APC: variants seen among roughly 807,000 people sequenced by gnomAD.
APC encodes adenomatous polyposis coli protein.
APC carries 72 observed loss-of-function variants against 247.0 expected under a neutral mutation model. That is an observed-to-expected ratio of 0.29 (90% CI 0.24 to 0.35). APC has a LOEUF of 0.35. APC is among the 10% of genes least tolerant of loss of function. APC has a pLI of 1.00. For synonymous variants in APC, 1,254 were observed against 1,162.5 expected (o/e 1.08, Z -1.60); for missense variants, 3,400 against 3,360.7 (o/e 1.01, Z -0.29).
At position 112,837,840 on chromosome 5, in the gene APC, T is replaced by C. The variant is rs2149864346; in HGVS notation, c.2246T>C (p.Leu749Ser). Residue 749 changes from leucine to serine, a missense_variant, in exon 16 of 16, where the codon TTG (leucine) becomes TCG (serine). Leu to Ser is a moderately radical substitution (Grantham distance 145). Around this residue, in one of 9 missense-constraint regions of APC, gnomAD observed 91 missense variants for 103.3 expected, o/e 0.88. Coordinates refer to ENST00000257430, the MANE Select transcript of APC (RefSeq NM_000038.6). ...DANIMSPGSS[L>S]PSLHVRKQKA... is the part of the protein sequence containing the mutation. ...AATATTATGTCTCCTGGCTCAAGCT[T>C]GCCATCTCTTCATGTTAGGAAACAA... 1 of 1,614,036 alleles carries C rather than the reference T, an allele frequency of 6.2e-7. No homozygotes were observed. The highest frequency in any genetic ancestry group is 2.2e-5 in the East Asian group (1 of 44,866).
chr5:112,845,658 T>C lies in APC; in HGVS notation c.*1532T>C, dbSNP rs1216547697. On this transcript the variant is annotated 3_prime_UTR_variant, in exon 16 of 16. Transcript: ENST00000257430. ...AAACTTTATTTGTGGTAGGTACAGT[T>C]CTGGGGTACATGTTAAGTGTCCCCT... 8.6e-6 allele frequency: 2 copies of C among 232,046 alleles called. No homozygotes were observed. The highest frequency in any genetic ancestry group is 1.7e-5 in the Non-Finnish European group (2 of 117,390). The allele number at this position is 232,046 out of a possible 1,614,324, so 14.4% of individuals were successfully genotyped here. A position where few individuals can be genotyped will look rare whatever the true frequency, so the allele number is the denominator to read the frequency against.
chr5:112,812,035 G>A (rs1175680591), intron 8 of APC, among the ~76,000 whole-genome samples: 1 of 152,292 alleles, frequency 6.6e-6, no homozygotes, highest in Non-Finnish European at 1.5e-5. Context: ...CTCACCAAGG[G>A]CAGTTCACAG....
intron 11 of APC, 113 bp downstream of exon 11, chr5:112,822,104 A>C (rs1763208837): frequency 4.0e-6 from 3 of 754,136 alleles, no homozygotes; most frequent in Non-Finnish European, 6.6e-6. Context: ...ATTAGGATAT[A>C]AGGCCACCAA....
intron 5 of APC, among the ~76,000 whole-genome samples, chr5:112,778,844 C>T (rs1178638751): frequency 6.6e-6 from 1 of 152,146 alleles, no homozygotes; most frequent in African/African-American, 2.4e-5. Context: ...CGCCCAGCCA[C>T]ATGTAATTTT....
At chr5:112,833,480 C>T (rs1001997948) in intron 14 of APC, among the ~76,000 whole-genome samples, 3 of 152,022 alleles carry the variant, frequency 2.0e-5, no homozygotes, top group Non-Finnish European at 2.9e-5. Context: ...TGCGCCTGGC[C>T]GCCTGGCTAC....
intron 2 of APC, among the ~76,000 whole-genome samples, chr5:112,758,251 GT>G: frequency 1.3e-5 from 2 of 152,350 alleles, no homozygotes; most frequent in African/African-American, 4.8e-5. Context: ...CTTAAAAAAA[GT>G]TGTGTAGTGT....
intron 6 of APC, among the ~76,000 whole-genome samples, chr5:112,792,170 C>G (rs1002909866): frequency 6.6e-6 from 1 of 151,864 alleles, no homozygotes; most frequent in Non-Finnish European, 1.5e-5. Flanking sequence ...CACTTGAACC[C>G]GGAAGGCGGA....
intron 1 of APC, among the ~76,000 whole-genome samples, chr5:112,739,525 T>A (rs1449193709): frequency 1.3e-5 from 2 of 152,234 alleles, no homozygotes; most frequent in Non-Finnish European, 2.9e-5. Flanking sequence ...AAAAAATTAT[T>A]TCTGCTTTAA....
intron 1 of APC, among the ~76,000 whole-genome samples, chr5:112,708,415 G>A (rs1020966001): frequency 1.2e-4 from 18 of 152,220 alleles, no homozygotes; most frequent in African/African-American, 2.9e-4. Context: ...CCACCAAGTA[G>A]AGGAATGGTG....
At chr5:112,763,751 C>CA (rs772504648) in intron 2 of APC, among the ~76,000 whole-genome samples, 1 of 152,126 alleles carries the variant, frequency 6.6e-6, no homozygotes, top group Non-Finnish European at 1.5e-5. Context: ...CATAGAATAA[C>CA]ACTGTTAACA....
intron 14 of APC, among the ~76,000 whole-genome samples, chr5:112,834,689 A>G (rs572236090): frequency 1.6e-4 from 24 of 152,218 alleles, no homozygotes; most frequent in African/African-American, 5.8e-4. Context: ...AGATGTGTGT[A>G]CTATCTAAAC....
chr5:112,798,417 T>C (rs1352566607), intron 7 of APC, among the ~76,000 whole-genome samples: 2 of 152,210 alleles, frequency 1.3e-5, no homozygotes, highest in Admixed American at 6.5e-5. Context: ...GAAATGAGGA[T>C]TAACTGTAAA....
intron 1 of APC, among the ~76,000 whole-genome samples, chr5:112,708,362 C>T (rs558967083): frequency 1.1e-4 from 17 of 152,288 alleles, no homozygotes; most frequent in Non-Finnish European, 2.1e-4. Context: ...GAATCAAGTC[C>T]CCAGGAGCCT....
chr5:112,808,716 TG>T (rs1270673922), intron 8 of APC, among the ~76,000 whole-genome samples: 4 of 152,180 alleles, frequency 2.6e-5, no homozygotes, highest in Non-Finnish European at 4.4e-5. Context: ...GGCTTCCAAA[TG>T]TTTTTTTTAT....
chr5:112,810,706 G>A (rs1761900489), intron 8 of APC, among the ~76,000 whole-genome samples: 1 of 152,188 alleles, frequency 6.6e-6, no homozygotes, highest in South Asian at 2.1e-4. Context: ...GGGCAAAGCT[G>A]TTAAAAGCTA....
intron 7 of APC, among the ~76,000 whole-genome samples, chr5:112,799,206 G>A (rs1644239): frequency 0.12 from 17,368 of 139,998 alleles, 1,386 homozygotes; most frequent in African/African-American, 0.21. Flanking sequence ...AAAAAAAAAG[G>A]CACTTTAATA....
intron 1 of APC, among the ~76,000 whole-genome samples, chr5:112,748,150 C>G (rs558393354): frequency 6.6e-6 from 1 of 152,108 alleles, no homozygotes; most frequent in African/African-American, 2.4e-5. Flanking sequence ...CCTGCCCACA[C>G]GTGGTATGGG....
intron 6 of APC, among the ~76,000 whole-genome samples, chr5:112,786,845 T>C (rs1356891200): frequency 1.3e-5 from 2 of 151,976 alleles, no homozygotes; most frequent in South Asian, 4.1e-4. Flanking sequence ...GTGGACCATA[T>C]GGTCTCTTTT....
intron 1 of APC, among the ~76,000 whole-genome samples, chr5:112,711,004 C>T (rs557741433): frequency 3.9e-5 from 6 of 152,336 alleles, no homozygotes; most frequent in South Asian, 2.1e-4. Context: ...CTGTGACCTC[C>T]GAATCACCAA....
Sources: allele counts gnomAD v4.1 joint callset (sites outside exome capture counted in the v4.1 genomes callset), GRCh38; gene constraint gnomAD v4.1.1; regional missense constraint gnomAD v4.1.1; transcripts MANE v1.5; gene names NCBI Gene and HGNC (gene_info 2026-07-23, HGNC 2026-07-21).